Variants in RFX3 observed in about 807,000 individuals in gnomAD.
RFX3 encodes transcription factor RFX3.
In RFX3, 14 loss-of-function variants were observed where a neutral mutation model predicts 98.6. The ratio of observed to expected loss-of-function variants is 0.14; its 90% CI spans 0.09 to 0.22. The LOEUF (loss-of-function observed/expected upper bound fraction) is 0.22, where lower values mean the gene tolerates loss of function less well. Among genes scored for constraint, RFX3 ranks in the 10% least tolerant of loss-of-function variants. RFX3 has a pLI of 1.00. For missense variants in RFX3, 639 were observed against 926.9 expected, an observed-to-expected ratio of 0.69 and a Z score of 4.03; for synonymous variants, 383 against 328.4, an observed-to-expected ratio of 1.17 and a Z score of -1.80.
At chr9:3,375,245 A>G (rs1838328020) in intron 2 of RFX3, among the ~76,000 whole-genome samples, 1 of 152,204 alleles carries the variant, frequency 6.6e-6, no homozygotes, top group Non-Finnish European at 1.5e-5. Flanking sequence ...ACTCCCAGTC[A>G]GAATTATAGG....
At chr9:3,408,833 CCT>C (rs1226963535) in intron 1 of RFX3, among the ~76,000 whole-genome samples, 1 of 152,186 alleles carries the variant, frequency 6.6e-6, no homozygotes. Context: ...TCCACTACTG[CCT>C]CTTTTTCCCC....
At chr9:3,512,582 C>T (rs1472607438) in intron 1 of RFX3, among the ~76,000 whole-genome samples, 1 of 151,792 alleles carries the variant, frequency 6.6e-6, no homozygotes, top group Non-Finnish European at 1.5e-5. Flanking sequence ...TCTGAGGCAA[C>T]ACCTCAATTT....
chr9:3,255,452 G>A (rs781562220), intron 14 of RFX3, among the ~76,000 whole-genome samples: 1 of 152,150 alleles, frequency 6.6e-6, no homozygotes, highest in Non-Finnish European at 1.5e-5. Context: ...TATGTCCTGT[G>A]GCCACCACTT....
intron 2 of RFX3, among the ~76,000 whole-genome samples, chr9:3,365,936 A>G (rs1837010164): frequency 6.6e-6 from 1 of 151,760 alleles, no homozygotes; most frequent in Non-Finnish European, 1.5e-5. Context: ...AATGTTTCTA[A>G]GTTAACTCTC....
At chr9:3,335,742 A>G (rs1833104614) in intron 3 of RFX3, among the ~76,000 whole-genome samples, 1 of 152,210 alleles carries the variant, frequency 6.6e-6, no homozygotes, top group Non-Finnish European at 1.5e-5. Flanking sequence ...GAACACATCG[A>G]TATGTGTATA....
intron 1 of RFX3, among the ~76,000 whole-genome samples, chr9:3,456,021 T>C (rs1044702328): frequency 3.3e-5 from 5 of 152,242 alleles, no homozygotes; most frequent in Non-Finnish European, 5.9e-5. Context: ...TGGTGAGGGC[T>C]GCATCTTCCA....
intron 1 of RFX3, among the ~76,000 whole-genome samples, chr9:3,467,153 A>ATG (rs1587770373): frequency 4.9e-4 from 59 of 120,502 alleles, no homozygotes; most frequent in East Asian, 1.7e-3. Flanking sequence ...TACATAATAT[A>ATG]TATGTATATA....
At chr9:3,459,122 C>G (rs756922046) in intron 1 of RFX3, among the ~76,000 whole-genome samples, 3 of 152,110 alleles carry the variant, frequency 2.0e-5, no homozygotes, top group Non-Finnish European at 4.4e-5. Flanking sequence ...AACTCATACG[C>G]ACCCTATCAC....
intron 1 of RFX3, among the ~76,000 whole-genome samples, chr9:3,444,138 TAATC>T (rs1213815874): frequency 6.6e-6 from 1 of 152,184 alleles, no homozygotes; most frequent in Non-Finnish European, 1.5e-5. Flanking sequence ...TTAATCATGA[TAATC>T]AATAAATAGA....
At chr9:3,309,542 G>A (rs1048048672) in intron 4 of RFX3, among the ~76,000 whole-genome samples, 17 of 151,420 alleles carry the variant, frequency 1.1e-4, no homozygotes, top group African/African-American at 3.9e-4. Context: ...AAGAGATTTT[G>A]GAGAAAAGTC....
At chr9:3,452,471 T>C (rs1846745317) in intron 1 of RFX3, 1 of 167,166 alleles carries the variant, frequency 6.0e-6, no homozygotes, top group African/African-American at 2.4e-5. Context: ...ACATGCTTGC[T>C]AGTCCCAACT....
At chr9:3,513,564 A>G (rs2133854038) in intron 1 of RFX3, among the ~76,000 whole-genome samples, 1 of 152,330 alleles carries the variant, frequency 6.6e-6, no homozygotes, top group Non-Finnish European at 1.5e-5. Context: ...CCAGGCAGCA[A>G]TGAAAATTAA....
At chr9:3,264,870 C>T (rs780556407) in intron 12 of RFX3, among the ~76,000 whole-genome samples, 15 of 152,202 alleles carry the variant, frequency 9.9e-5, no homozygotes, top group Non-Finnish European at 1.9e-4. Flanking sequence ...AGATGGCCAA[C>T]GTTGCAATTG....
intron 1 of RFX3, among the ~76,000 whole-genome samples, chr9:3,466,406 A>T (rs914742141): frequency 1.3e-5 from 2 of 152,218 alleles, no homozygotes; most frequent in Admixed American, 6.5e-5. Context: ...AAAAGAAAAA[A>T]ATGTGATGCA....
chr9:3,463,679 T>C (rs1200987293), intron 1 of RFX3, among the ~76,000 whole-genome samples: 2 of 152,006 alleles, frequency 1.3e-5, no homozygotes, highest in South Asian at 4.2e-4. Flanking sequence ...CTGTTTTTTT[T>C]AAAACTAGGG....
chr9:3,301,731 T>C (rs7044448), intron 4 of RFX3, 111 bp from the exon 5 acceptor site: 85,988 of 687,144 alleles, frequency 0.13, 5,797 homozygotes, highest in African/African-American at 0.21. Flanking sequence ...CAACGGTCGT[T>C]AATGAACAGT....
chr9:3,257,614 T>A (rs1822303682), intron 13 of RFX3, among the ~76,000 whole-genome samples: 1 of 152,180 alleles, frequency 6.6e-6, no homozygotes, highest in South Asian at 2.1e-4. Flanking sequence ...TAAAACCAAT[T>A]TATTTGAGAA....
chr9:3,279,799 T>C (rs1825700706), intron 7 of RFX3, among the ~76,000 whole-genome samples: 1 of 151,810 alleles, frequency 6.6e-6, no homozygotes, highest in African/African-American at 2.4e-5. Context: ...ATTATATTTT[T>C]AATAAGGAAT....
chr9:3,413,198 G>T (rs545487771), intron 1 of RFX3, among the ~76,000 whole-genome samples: 20 of 151,730 alleles, frequency 1.3e-4, no homozygotes, highest in African/African-American at 4.8e-4. Flanking sequence ...TTCCCAAATA[G>T]AAACATCAGC....
Sources: gnomAD v4.1 joint callset for allele counts (sites outside exome capture counted in the v4.1 genomes callset) on GRCh38, gnomAD v4.1.1 for gene constraint, MANE v1.5 for transcripts, NCBI Gene and HGNC (gene_info 2026-07-23, HGNC 2026-07-21) for gene names.